GNAI3: variants seen among roughly 807,000 people sequenced by gnomAD.
GNAI3 encodes G protein subunit alpha i3.
In GNAI3, 12 loss-of-function variants were observed where a neutral mutation model predicts 41.8. That is an observed-to-expected ratio of 0.29 (90% confidence interval 0.18 to 0.47). The LOEUF is 0.47. Among genes scored for constraint, GNAI3 ranks in the 20% least tolerant of loss-of-function variants. The probability of loss-of-function intolerance (pLI) is 1.00; values close to 1 mark genes in which losing one functional copy is unlikely to be tolerated. For synonymous variants in GNAI3, 132 were observed against 146.5 expected (o/e 0.90, Z 0.71); for missense variants, 360 against 429.6 (o/e 0.84, Z 1.43).
chr1:109,573,711 C>T, intron 1 of GNAI3, 26 bp from the exon 2 acceptor site: 1 of 1,569,736 alleles, frequency 6.4e-7, no homozygotes, highest in Non-Finnish European at 8.8e-7. Flanking sequence ...CCGAGAAATT[C>T]AAAGTCTGGT....
chr1:109,562,501 GT>G (rs1000264192), intron 1 of GNAI3, among the ~76,000 whole-genome samples: 2 of 151,614 alleles, frequency 1.3e-5, no homozygotes, highest in Non-Finnish European at 2.9e-5. Context: ...CTGCCTTTTT[GT>G]TTTTTTTGCC....
At chr1:109,557,463 A>G (rs1215910861) in intron 1 of GNAI3, among the ~76,000 whole-genome samples, 2 of 152,174 alleles carry the variant, frequency 1.3e-5, no homozygotes, top group East Asian at 3.8e-4. Flanking sequence ...CATAAGGAAT[A>G]GGAACACCAC....
At chr1:109,588,458 G>A (rs1649090108) in intron 7 of GNAI3, among the ~76,000 whole-genome samples, 1 of 152,144 alleles carries the variant, frequency 6.6e-6, no homozygotes, top group African/African-American at 2.4e-5. Flanking sequence ...GTTAAGTCAG[G>A]CAGAAATCTG....
chr1:109,549,332 A>G (rs531537254), intron 1 of GNAI3, among the ~76,000 whole-genome samples: 22 of 152,244 alleles, frequency 1.4e-4, no homozygotes, highest in African/African-American at 5.3e-4. Context: ...TCACATAAGG[A>G]CGTTGACATT....
chr1:109,568,713 C>G (rs1648519452), intron 1 of GNAI3, among the ~76,000 whole-genome samples: 1 of 152,090 alleles, frequency 6.6e-6, no homozygotes, highest in African/African-American at 2.4e-5. Flanking sequence ...AGAACAAGGT[C>G]TTGCTCTGTG....
intron 1 of GNAI3, among the ~76,000 whole-genome samples, chr1:109,571,082 C>G (rs1648585359): frequency 6.6e-6 from 1 of 152,124 alleles, no homozygotes; most frequent in Admixed American, 6.5e-5. Flanking sequence ...GCATCCTTGT[C>G]TTATCTGCAC....
intron 1 of GNAI3, among the ~76,000 whole-genome samples, chr1:109,556,815 T>C (rs1032132950): frequency 3.3e-5 from 5 of 152,258 alleles, no homozygotes; most frequent in African/African-American, 4.8e-5. Context: ...ATTTTTGGAC[T>C]TTAAGGACCA....
At chr1:109,551,726 T>G (rs1647986376) in intron 1 of GNAI3, among the ~76,000 whole-genome samples, 2 of 152,238 alleles carry the variant, frequency 1.3e-5, no homozygotes, top group Admixed American at 6.5e-5. Context: ...GCTATTCTTA[T>G]TAAGTCAAAA....
At chr1:109,583,398 A>T (rs1213353180) in intron 5 of GNAI3, among the ~76,000 whole-genome samples, 1 of 152,086 alleles carries the variant, frequency 6.6e-6, no homozygotes, top group East Asian at 1.9e-4. Context: ...AATTTTATGT[A>T]GAGACAGGAT....
chr1:109,570,926 A>T (rs1306446736), intron 1 of GNAI3, among the ~76,000 whole-genome samples: 1 of 152,236 alleles, frequency 6.6e-6, no homozygotes, highest in African/African-American at 2.4e-5. Flanking sequence ...TGAAGCACTG[A>T]ACTATTTAGG....
At chr1:109,583,974 C>G (rs1165398825) in intron 5 of GNAI3, among the ~76,000 whole-genome samples, 1 of 152,106 alleles carries the variant, frequency 6.6e-6, no homozygotes, top group African/African-American at 2.4e-5. Context: ...TTTTGGTTCC[C>G]ATTTTCTTCT....
intron 6 of GNAI3, 96 bp downstream of exon 6, chr1:109,586,441 A>G (rs1226168432): frequency 4.9e-6 from 6 of 1,231,892 alleles, no homozygotes; most frequent in Non-Finnish European, 6.9e-6. Flanking sequence ...TCCTCATTCA[A>G]CCAAAACTTA....
In GNAI3 at chr1:109,575,534, C is replaced by CTTTTTTTTTTTT. The variant is rs747890363; in HGVS notation, c.303+1511_303+1522dup. Among the ~76,000 whole-genome samples the CTTTTTTTTTTTT allele has an allele frequency of 6.6e-4, 35 of 52,870 alleles. 3 individuals carry two copies. The highest frequency in any genetic ancestry group is 1.4e-3 in the African/African-American group (17 of 12,462). The allele number at this position is 52,870 out of a possible 152,430, so 34.7% of individuals were successfully genotyped here. On this transcript the variant is annotated intron_variant, in intron 3 of 8. Coordinates refer to ENST00000369851, the MANE Select transcript of GNAI3 (RefSeq NM_006496.4). Reference sequence around the variant, plus strand: ...TATTTATCTCCCTACCCTTTCATTTCTTTTTTTTTTTTTTTTTTTTTTTTT... The same window carrying CTTTTTTTTTTTT: ...TATTTATCTCCCTACCCTTTCATTTCTTTTTTTTTTTTTTTTTTTTTTTTTTTTTTTTTTTTT...
rs531778710 is a variant in GNAI3, at chr1:109,585,704, A to G, written c.591-512A>G. ...TTGTTAGTAGTGTACCTTTGAGCAAATCATTTAACATTGAATGTGCCTCAA... is the reference window on the plus strand; with the variant it reads ...TTGTTAGTAGTGTACCTTTGAGCAAGTCATTTAACATTGAATGTGCCTCAA... On this transcript the variant is annotated intron_variant, in intron 5 of 8. Coordinates refer to ENST00000369851, the MANE Select transcript of GNAI3 (RefSeq NM_006496.4). Among the ~76,000 whole-genome samples the G allele has an allele frequency of 2.0e-5, 3 of 152,192 alleles. No individual in the cohort carries two copies. The South Asian group carries it at 6.2e-4, about 32-fold the overall frequency.
At chr1:109,578,470 C>CAAAAAAAAAAAAAAA (rs35519193) in intron 3 of GNAI3, among the ~76,000 whole-genome samples, 2 of 84,312 alleles carry the variant, frequency 2.4e-5, no homozygotes, top group Non-Finnish European at 4.7e-5. Flanking sequence ...AACTCCGTCT[C>CAAAAAAAAAAAAAAA]AAAAAAAAAA....
Position 109,586,939 on chromosome 1 carries a change from T to C in GNAI3, c.874+57T>C, listed in dbSNP as rs1183062598. 6 of 1,203,282 alleles carry C rather than the reference T, an allele frequency of 5.0e-6. No homozygotes were observed. In the East Asian group the frequency reaches 1.4e-4, roughly 28 times the overall value. The allele number at this position is 1,203,282 out of a possible 1,614,324, so 74.5% of individuals were successfully genotyped here. On this transcript the variant is annotated intron_variant, in intron 7 of 8. Transcript: ENST00000369851. The stretch of plus-strand genomic sequence containing the variant: ...ACACATCTTACTTAGATCAACACTT[T>C]GGTGGCATTCATAAAACTGCCTTTT...
chr1:109,562,474 G>T (rs1168446440), intron 1 of GNAI3, among the ~76,000 whole-genome samples: 3 of 152,132 alleles, frequency 2.0e-5, no homozygotes, highest in Admixed American at 1.3e-4. Flanking sequence ...AGACTGCATT[G>T]TTCTCCTTCT....
At chr1:109,581,481 ACACAG>A (rs1432033264) in intron 4 of GNAI3, among the ~76,000 whole-genome samples, 5 of 152,198 alleles carry the variant, frequency 3.3e-5, no homozygotes, top group Non-Finnish European at 7.3e-5. Context: ...ATTATACAGT[ACACAG>A]TTGATTTAGT....
chr1:109,574,071 T>G, intron 3 of GNAI3, 34 bp downstream of exon 3: 1 of 1,557,326 alleles, frequency 6.4e-7, no homozygotes, highest in Non-Finnish European at 8.7e-7. Context: ...CACTTGCTCT[T>G]ATTCAGCAGA....
Sources: allele counts gnomAD v4.1 joint callset (sites outside exome capture counted in the v4.1 genomes callset), GRCh38; gene constraint gnomAD v4.1.1; transcripts MANE v1.5; gene names NCBI Gene and HGNC (gene_info 2026-07-23, HGNC 2026-07-21).